MCC: variants seen among roughly 807,000 people sequenced by gnomAD.
MCC encodes the protein colorectal mutant cancer protein.
In MCC, 90 loss-of-function variants were observed where a neutral mutation model predicts 116.2. The observed-to-expected ratio is 0.77, with a 90% confidence interval of 0.65 to 0.92. MCC has a LOEUF of 0.92. Ranked by LOEUF, MCC falls within the 40% of genes least tolerant of loss-of-function variation. The pLI, the probability that MCC is intolerant of heterozygous loss-of-function variation, is 0.00. For synonymous variants in MCC, 578 were observed against 510.5 expected (o/e 1.13, Z -1.78); for missense variants, 1,516 against 1,312.2 (o/e 1.16, Z -2.40).
chr5:113,212,412 G>C (rs1763166571), intron 3 of MCC, among the ~76,000 whole-genome samples: 1 of 152,234 alleles, frequency 6.6e-6, no homozygotes, highest in East Asian at 1.9e-4. Flanking sequence ...AGAGGCCACA[G>C]AGAGGGCTTC....
chr5:113,054,571 G>A (rs1752690574), intron 14 of MCC, among the ~76,000 whole-genome samples: 1 of 152,162 alleles, frequency 6.6e-6, no homozygotes, highest in Non-Finnish European at 1.5e-5. Flanking sequence ...AGCACCGAAG[G>A]GGGCTGTTTT....
chr5:113,100,628 T>G (rs1181526678), intron 8 of MCC, among the ~76,000 whole-genome samples: 2 of 152,046 alleles, frequency 1.3e-5, no homozygotes, highest in Admixed American at 1.3e-4. Context: ...CACAGCACCA[T>G]GTCTGGCTAA....
At chr5:113,465,201 GAA>G (rs35831917) in intron 1 of MCC, among the ~76,000 whole-genome samples, 2 of 126,674 alleles carry the variant, frequency 1.6e-5, no homozygotes, top group African/African-American at 5.6e-5. Flanking sequence ...GGTAGATCAA[GAA>G]AAAAAAAAAA....
intron 2 of MCC, among the ~76,000 whole-genome samples, chr5:113,357,720 C>T (rs571262145): frequency 4.6e-5 from 7 of 152,268 alleles, no homozygotes; most frequent in South Asian, 4.1e-4. Flanking sequence ...AACGGAAGAA[C>T]GCCTGAAGTG....
At chr5:113,171,252 G>C (rs1483552794) in intron 3 of MCC, among the ~76,000 whole-genome samples, 1 of 151,548 alleles carries the variant, frequency 6.6e-6, no homozygotes, top group Non-Finnish European at 1.5e-5. Context: ...TCATCACTTG[G>C]GTACTTATGA....
intron 3 of MCC, among the ~76,000 whole-genome samples, chr5:113,267,320 C>G (rs1765458823): frequency 6.6e-6 from 1 of 152,152 alleles, no homozygotes; most frequent in South Asian, 2.1e-4. Flanking sequence ...ACTATTAACC[C>G]AAATGTAATT....
intron 3 of MCC, among the ~76,000 whole-genome samples, chr5:113,170,611 C>G (rs183703477): frequency 6.6e-6 from 1 of 152,146 alleles, no homozygotes; most frequent in Admixed American, 6.5e-5. Flanking sequence ...GTTAAAAGCA[C>G]TACAAAAATG....
chr5:113,145,635 T>C (rs1212847590), intron 4 of MCC, among the ~76,000 whole-genome samples: 1 of 152,116 alleles, frequency 6.6e-6, no homozygotes, highest in African/African-American at 2.4e-5. Flanking sequence ...CCCTACTGAC[T>C]GATATCAACT....
intron 3 of MCC, among the ~76,000 whole-genome samples, chr5:113,177,542 AAGG>A (rs1436857753): frequency 6.6e-6 from 1 of 152,226 alleles, no homozygotes; most frequent in African/African-American, 2.4e-5. Flanking sequence ...TGAAAACAAA[AAGG>A]AGCACTGAAA....
intron 3 of MCC, chr5:113,203,274 TGGGGATG>T (rs1187128318): frequency 6.6e-6 from 1 of 152,266 alleles, no homozygotes; most frequent in Non-Finnish European, 1.5e-5. Context: ...CCAAGAGGTG[TGGGGATG>T]GGTGTGGTGG....
At chr5:113,071,576 G>A (rs77073500) in intron 11 of MCC, among the ~76,000 whole-genome samples, 4,120 of 152,268 alleles carry the variant, frequency 0.027, 90 homozygotes, top group Non-Finnish European at 0.04. Flanking sequence ...CATGTGGAAC[G>A]TCTGGTGGGC....
At chr5:113,171,991 T>A (rs1212108561) in intron 3 of MCC, among the ~76,000 whole-genome samples, 1 of 152,150 alleles carries the variant, frequency 6.6e-6, no homozygotes, top group Non-Finnish European at 1.5e-5. Context: ...GCTATCCAAA[T>A]GTTGACTGAC....
At chr5:113,294,262 G>A (rs1199856487) in intron 3 of MCC, 2 of 1,608,702 alleles carry the variant, frequency 1.2e-6, no homozygotes, top group African/African-American at 1.3e-5. Context: ...GGAGGTCGAG[G>A]GGAGGGGGAT....
intron 4 of MCC, among the ~76,000 whole-genome samples, chr5:113,150,003 G>A (rs1561404238): frequency 6.6e-6 from 1 of 152,174 alleles, no homozygotes; most frequent in South Asian, 2.1e-4. Flanking sequence ...GTCAGTGCAA[G>A]GGGCCCACAG....
intron 3 of MCC, among the ~76,000 whole-genome samples, chr5:113,340,070 C>T (rs1379357383): frequency 6.6e-6 from 1 of 152,210 alleles, no homozygotes; most frequent in African/African-American, 2.4e-5. Flanking sequence ...TCTAAGTTGT[C>T]CCACAGTTTT....
chr5:113,336,297 C>G (rs995616298), intron 3 of MCC, among the ~76,000 whole-genome samples: 4 of 151,720 alleles, frequency 2.6e-5, no homozygotes, highest in African/African-American at 7.3e-5. Context: ...TGCACCTTGT[C>G]CACTTGCACA....
intron 1 of MCC, among the ~76,000 whole-genome samples, chr5:113,460,393 G>T (rs565051716): frequency 6.6e-6 from 1 of 152,144 alleles, no homozygotes; most frequent in Non-Finnish European, 1.5e-5. Flanking sequence ...ACTAATATTT[G>T]GATTAATACA....
rs60886614 is a variant in MCC at position 113,339,408 on chromosome 5, A to AGTGTGTGTGTGT, written c.627+1099_627+1110dup. Reference sequence around the variant, plus strand: ...GTCCATATTTTATCTAGGCTTCCTTAGTGTGTGTGTGTGTGTGTGTGTGTG... The same window carrying AGTGTGTGTGTGT: ...GTCCATATTTTATCTAGGCTTCCTTAGTGTGTGTGTGTGTGTGTGTGTGTGTGTGTGTGTGTG... On this transcript the variant is annotated intron_variant, in intron 3 of 18. Coordinates refer to ENST00000408903, the MANE Select transcript of MCC (RefSeq NM_001085377.2). Among the ~76,000 whole-genome samples the AGTGTGTGTGTGT allele has an allele frequency of 9.9e-3, 1,222 of 123,634 alleles. 19 individuals carry two copies. Among genetic ancestry groups the AGTGTGTGTGTGT allele is most frequent in the African/African-American group, 0.037 (1,154 of 31,522 alleles). The allele number at this position is 123,634 out of a possible 152,430, so 81.1% of individuals were successfully genotyped here.
intron 1 of MCC, among the ~76,000 whole-genome samples, chr5:113,451,494 G>A (rs1225700016): frequency 6.6e-6 from 1 of 152,214 alleles, no homozygotes; most frequent in Middle Eastern, 3.2e-3. Flanking sequence ...CAGCACTTTG[G>A]GAGGCCGAGG....
Sources: gnomAD v4.1 joint callset for allele counts (sites outside exome capture counted in the v4.1 genomes callset) on GRCh38, gnomAD v4.1.1 for gene constraint, MANE v1.5 for transcripts, NCBI Gene and HGNC (gene_info 2026-07-23, HGNC 2026-07-21) for gene names.